Variants in LPP observed in about 807,000 individuals in gnomAD.
LPP encodes the protein LIM domain containing preferred translocation partner in lipoma.
LPP carries 38 observed loss-of-function variants against 60.4 expected under a neutral mutation model. The observed-to-expected ratio is 0.63, with a 90% CI of 0.49 to 0.83. The LOEUF (loss-of-function observed/expected upper bound fraction) is 0.83, where lower values mean the gene tolerates loss of function less well. LPP is among the 40% of genes least tolerant of loss of function. LPP has a pLI of 0.00. For missense variants in LPP, 902 were observed against 783.6 expected, an observed-to-expected ratio of 1.15 and a Z score of -1.80; for synonymous variants, 328 against 290.8, an observed-to-expected ratio of 1.13 and a Z score of -1.30.
At chr3:188,852,799 G>A (rs749986294) in intron 9 of LPP, among the ~76,000 whole-genome samples, 1 of 152,108 alleles carries the variant, frequency 6.6e-6, no homozygotes, top group Non-Finnish European at 1.5e-5. Flanking sequence ...TAGCAACTGA[G>A]GACTTCAAAG....
At chr3:188,195,440 G>T (rs78272974) in intron 1 of LPP, among the ~76,000 whole-genome samples, 1 of 152,128 alleles carries the variant, frequency 6.6e-6, no homozygotes, top group East Asian at 1.9e-4. Flanking sequence ...GAACGAAGCC[G>T]TAGAGAGTTT....
In LPP at chr3:188,325,095, C is replaced by T. The variant is rs1040788563; in HGVS notation, c.-66-16568C>T. On this transcript the variant is annotated intron_variant, in intron 2 of 11. Coordinates refer to ENST00000617246, the MANE Select transcript of LPP (RefSeq NM_001375462.1). ...TTCTGGGTTCAAGCAATTCTCCTGC[C>T]TCAGCCTCCCGAGTAGCTGGGATTA... Among the ~76,000 whole-genome samples, 6 of 152,218 alleles carry T rather than the reference C, an allele frequency of 3.9e-5. No homozygotes were observed. In the East Asian group the frequency reaches 9.7e-4, roughly 25 times the overall value.
intron 2 of LPP, among the ~76,000 whole-genome samples, chr3:188,250,758 C>CTT (rs1353229857): frequency 8.6e-6 from 1 of 116,042 alleles, no homozygotes; most frequent in East Asian, 2.2e-4. Flanking sequence ...TTCTTTCTTT[C>CTT]TTTCTTTCTT....
At chr3:188,198,248 A>G (rs990097621) in intron 1 of LPP, among the ~76,000 whole-genome samples, 2 of 152,174 alleles carry the variant, frequency 1.3e-5, no homozygotes, top group Admixed American at 1.3e-4. Context: ...AGCCAGTGAC[A>G]GAGCTGAATT....
At chr3:188,199,323 G>T (rs1730394391) in intron 1 of LPP, among the ~76,000 whole-genome samples, 2 of 152,136 alleles carry the variant, frequency 1.3e-5, no homozygotes, top group Admixed American at 1.3e-4. Context: ...TTAGATTCAA[G>T]GGGAGAGGCA....
At position 188,305,892 on chromosome 3, in the gene LPP, A is replaced by G. The variant is rs75013427; in HGVS notation, c.-66-35771A>G. ...TCGTTTACCTGTTGTTGTCTTCAAT[A>G]GTTTAATTACACTAAATATTCTCGT... On this transcript the variant is annotated intron_variant, in intron 2 of 11. Transcript: ENST00000617246. Among the ~76,000 whole-genome samples, 19 of 151,960 alleles carry G rather than the reference A, an allele frequency of 1.3e-4. No homozygotes were observed. The East Asian group carries it at 3.5e-3, about 28-fold the overall frequency.
At chr3:188,779,777 T>C (rs1739041855) in intron 9 of LPP, among the ~76,000 whole-genome samples, 1 of 152,118 alleles carries the variant, frequency 6.6e-6, no homozygotes, top group South Asian at 2.1e-4. Context: ...CCTTACAACA[T>C]GTTTTCATTG....
intron 4 of LPP, among the ~76,000 whole-genome samples, chr3:188,417,635 T>G (rs1014013515): frequency 6.6e-6 from 1 of 152,118 alleles, no homozygotes; most frequent in Non-Finnish European, 1.5e-5. Flanking sequence ...TCCAGGAAGT[T>G]AGGTAGCTTC....
chr3:188,591,672 A>C (rs1838739734), intron 6 of LPP, among the ~76,000 whole-genome samples: 1 of 152,140 alleles, frequency 6.6e-6, no homozygotes. Flanking sequence ...TGGCTGCCAG[A>C]TTAATATTTT....
chr3:188,315,837 C>G (rs1399449377), intron 2 of LPP, among the ~76,000 whole-genome samples: 2 of 152,216 alleles, frequency 1.3e-5, no homozygotes. Context: ...GATATTCTCT[C>G]TAGGTATCTA....
At chr3:188,248,468 T>TTTTATATATATATATATATA in intron 2 of LPP, among the ~76,000 whole-genome samples, 1 of 84,142 alleles carries the variant, frequency 1.2e-5, no homozygotes, top group Admixed American at 1.3e-4. Flanking sequence ...CAGTATAACT[T>TTTTATATATATATATATATA]TATATATATA....
chr3:188,751,850 TATC>T (rs1373882546), intron 8 of LPP, among the ~76,000 whole-genome samples: 2 of 152,202 alleles, frequency 1.3e-5, no homozygotes, highest in East Asian at 1.9e-4. Flanking sequence ...TATTGACTAT[TATC>T]ATCACCCCGG....
chr3:188,730,752 CTGGCTAAAACCATCA>C (rs1720153351), intron 8 of LPP, among the ~76,000 whole-genome samples: 1 of 152,198 alleles, frequency 6.6e-6, no homozygotes, highest in Non-Finnish European at 1.5e-5. Flanking sequence ...TGAGTCTCAT[CTGGCTAAAACCATCA>C]TGTTAGCAAA....
intron 9 of LPP, among the ~76,000 whole-genome samples, chr3:188,843,050 G>A (rs1760418880): frequency 6.6e-6 from 1 of 152,082 alleles, no homozygotes; most frequent in African/African-American, 2.4e-5. Flanking sequence ...TGTTGTATTA[G>A]CAGTCTTCAT....
intron 4 of LPP, among the ~76,000 whole-genome samples, chr3:188,422,913 T>TTGTGTGTGTGTG (rs10689970): frequency 5.8e-4 from 77 of 133,872 alleles, no homozygotes; most frequent in African/African-American, 8.9e-4. Flanking sequence ...GGTGTCTTCT[T>TTGTGTGTGTGTG]TGTGTGTGTG....
At chr3:188,485,620 AC>A (rs1462489225) in intron 5 of LPP, among the ~76,000 whole-genome samples, 1 of 150,674 alleles carries the variant, frequency 6.6e-6, no homozygotes, top group Non-Finnish European at 1.5e-5. Context: ...AAACGGTGAA[AC>A]CCCGTCTCTA....
At chr3:188,305,087 G>A (rs1019378277) in intron 2 of LPP, among the ~76,000 whole-genome samples, 5 of 151,916 alleles carry the variant, frequency 3.3e-5, no homozygotes, top group African/African-American at 1.2e-4. Context: ...TATTTCTTCT[G>A]CATTATGGTT....
intron 4 of LPP, among the ~76,000 whole-genome samples, chr3:188,428,751 G>A (rs535996680): frequency 1.3e-5 from 2 of 152,038 alleles, no homozygotes; most frequent in East Asian, 3.9e-4. Context: ...CTGTCTTAAG[G>A]AAGTTCTGAT....
intron 2 of LPP, among the ~76,000 whole-genome samples, chr3:188,333,172 G>C (rs974863437): frequency 4.6e-5 from 7 of 152,050 alleles, no homozygotes; most frequent in African/African-American, 1.4e-4. Context: ...GAAAAGCTTA[G>C]TGCTTGTGGA....
Sources: allele counts gnomAD v4.1 joint callset (sites outside exome capture counted in the v4.1 genomes callset), GRCh38; gene constraint gnomAD v4.1.1; transcripts MANE v1.5; gene names NCBI Gene and HGNC (gene_info 2026-07-23, HGNC 2026-07-21).